SCARA5: variants seen among roughly 807,000 people sequenced by gnomAD.
The protein encoded by SCARA5 is scavenger receptor class A, member 5 (putative).
SCARA5 carries 45 observed loss-of-function variants against 46.3 expected under a neutral mutation model. The ratio of observed to expected loss-of-function variants is 0.97; its 90% CI spans 0.76 to 1.24. The LOEUF (loss-of-function observed/expected upper bound fraction) is 1.24. Among genes scored for constraint, SCARA5 ranks in the 50% most tolerant of loss-of-function variants. SCARA5 has a pLI of 0.00. For missense variants in SCARA5, 680 were observed against 689.0 expected (o/e 0.99, Z 0.15); for synonymous variants, 333 against 306.5 (o/e 1.09, Z -0.90).
intron 4 of SCARA5, among the ~76,000 whole-genome samples, chr8:27,916,472 T>C (rs1807463381): frequency 6.6e-6 from 1 of 152,088 alleles, no homozygotes; most frequent in African/African-American, 2.4e-5. Flanking sequence ...TGCGTATATG[T>C]GTGTGTGTGT....
intron 3 of SCARA5, among the ~76,000 whole-genome samples, chr8:27,948,904 T>C (rs1220012013): frequency 2.0e-5 from 3 of 152,254 alleles, no homozygotes; most frequent in Non-Finnish European, 2.9e-5. Context: ...TGGCCGTTTG[T>C]GTATATCGAT....
chr8:27,955,160 C>T (rs547232084), intron 3 of SCARA5, among the ~76,000 whole-genome samples: 58 of 152,248 alleles, frequency 3.8e-4, no homozygotes, highest in Non-Finnish European at 6.8e-4. Flanking sequence ...AGATGGGGAT[C>T]CCTGTGACCA....
At chr8:27,916,417 G>GT (rs1563524094) in intron 4 of SCARA5, among the ~76,000 whole-genome samples, 3 of 33,034 alleles carry the variant, frequency 9.1e-5, no homozygotes, top group Non-Finnish European at 3.2e-4. Context: ...ATGTGCAAAC[G>GT]TGTACACATG....
chr8:27,929,984 A>G (rs1401060276), intron 3 of SCARA5, among the ~76,000 whole-genome samples: 3 of 152,152 alleles, frequency 2.0e-5, no homozygotes, highest in East Asian at 3.8e-4. Context: ...CTTTCTTTCT[A>G]GGAAGCAATG....
In SCARA5 at chr8:27,871,606, A is replaced by G; in HGVS notation, c.*328T>C. The G allele has an allele frequency of 2.5e-6, 3 of 1,179,426 alleles. No homozygotes were observed. Among genetic ancestry groups the G allele is most frequent in the Non-Finnish European group, 3.2e-6 (3 of 947,270 alleles). 73.1% of individuals were successfully genotyped at this position (1,179,426 alleles called of 1,614,324 possible). On this transcript the variant is annotated 3_prime_UTR_variant, in exon 9 of 9. Coordinates refer to ENST00000354914, the MANE Select transcript of SCARA5 (RefSeq NM_173833.6). Reference sequence around the variant, plus strand: ...ACATTCTCAGCATTCACCTGTAACTAAAAGGCCAAAGGGAACTGGGATATT... The same window carrying G: ...ACATTCTCAGCATTCACCTGTAACTGAAAGGCCAAAGGGAACTGGGATATT...
chr8:27,904,912 G>A, intron 6 of SCARA5, 78 bp from the exon 7 acceptor site: 4 of 1,267,084 alleles, frequency 3.2e-6, no homozygotes, highest in Non-Finnish European at 3.4e-6. Flanking sequence ...GCAGGAGATT[G>A]ATGAACTCGA....
chr8:27,941,939 G>C (rs993234159), intron 3 of SCARA5, among the ~76,000 whole-genome samples: 2 of 151,804 alleles, frequency 1.3e-5, no homozygotes, highest in African/African-American at 4.8e-5. Flanking sequence ...TGATTCTCCT[G>C]CCTCAGCCTC....
At chr8:27,907,441 T>C (rs570167540) in intron 5 of SCARA5, among the ~76,000 whole-genome samples, 195 bp from the exon 6 acceptor site, 4 of 152,150 alleles carry the variant, frequency 2.6e-5, no homozygotes, top group African/African-American at 9.7e-5. Flanking sequence ...CATGCACACC[T>C]TGTATCCATC....
chr8:27,946,232 T>C (rs770796600), intron 3 of SCARA5, among the ~76,000 whole-genome samples: 8 of 152,292 alleles, frequency 5.3e-5, no homozygotes, highest in Admixed American at 1.3e-4. Flanking sequence ...AAGTCTGCCA[T>C]GTAACAATGT....
At chr8:27,970,771 G>C (rs1339006662) in intron 2 of SCARA5, among the ~76,000 whole-genome samples, 1 of 152,128 alleles carries the variant, frequency 6.6e-6, no homozygotes, top group Non-Finnish European at 1.5e-5. Context: ...ACAACCTCTT[G>C]AGAAAGCCTG....
Position 27,982,896 on chromosome 8 carries a change from G to A in SCARA5, c.112+4608C>T, listed in dbSNP as rs758662718. 9.8e-5 allele frequency among the ~76,000 whole-genome samples: 15 copies of A among 152,290 alleles called. No individual in the cohort carries two copies. The Middle Eastern group carries it at 0.014, about 138-fold the overall frequency. On this transcript the variant is annotated intron_variant, in intron 2 of 8. Transcript: ENST00000354914. Reference sequence around the variant, plus strand: ...AAAGGCAGGGAGGGTGAAGAGAAATGAGGGGCGAGAAGGAAAGAGAAAAAA... The same window carrying A: ...AAAGGCAGGGAGGGTGAAGAGAAATAAGGGGCGAGAAGGAAAGAGAAAAAA...
intron 5 of SCARA5, among the ~76,000 whole-genome samples, chr8:27,907,599 A>G (rs1207076773): frequency 7.2e-5 from 8 of 110,888 alleles, no homozygotes; most frequent in African/African-American, 1.4e-4. Context: ...TTTTGAGACA[A>G]AGTCTCGCTC....
chr8:27,943,337 G>A lies in SCARA5; in HGVS notation c.242-21092C>T, dbSNP rs548070369. ...GTGAGCCTGTAGTCCTAGCTATTCC[G>A]GAGGCTGAGGTGGGAGGATCACCTG... On this transcript the variant is annotated intron_variant, in intron 3 of 8. Transcript: ENST00000354914. Among the ~76,000 whole-genome samples, 11 of 152,220 alleles carry A rather than the reference G, an allele frequency of 7.2e-5. No homozygotes were observed. The South Asian group carries it at 8.3e-4, about 11-fold the overall frequency.
At chr8:27,898,574 TAA>T (rs1807100342) in intron 7 of SCARA5, among the ~76,000 whole-genome samples, 1 of 152,368 alleles carries the variant, frequency 6.6e-6, no homozygotes, top group Non-Finnish European at 1.5e-5. Context: ...TCTTAAGCGA[TAA>T]GAGTGACAGG....
In SCARA5 at chr8:27,879,611, G is replaced by A. The variant is rs763502328; in HGVS notation, c.1309C>T (p.Arg437Cys). 2 of 1,611,220 alleles carry A rather than the reference G, an allele frequency of 1.2e-6. No homozygotes were observed. Among genetic ancestry groups the A allele is most frequent in the South Asian group, 2.2e-5 (2 of 91,078 alleles). The change falls in exon 8 of 9, where the codon CGC (arginine) becomes TGC (cysteine). Residue 437 changes from arginine (R) to cysteine (C), a missense_variant. By Grantham distance (180) the Arg-to-Cys change is radical. Around this residue, in one of 3 missense-constraint regions of SCARA5, gnomAD observed 219 missense variants for 269.5 expected, o/e 0.81. Transcript: ENST00000354914. ...GTGCGGTACACCTCCTCCACACCGC[G>A]GAAGCCGAGCATGCGGCACACCACG... Reference protein sequence around the residue: ...GDVVCRMLGFRGVEEVYRTAR... With the variant: ...GDVVCRMLGFCGVEEVYRTAR...
intron 8 of SCARA5, among the ~76,000 whole-genome samples, chr8:27,874,908 A>G (rs1435519065): frequency 1.3e-5 from 2 of 152,042 alleles, no homozygotes; most frequent in South Asian, 2.1e-4. Flanking sequence ...CGCCATTTGC[A>G]TCACTCCAGC....
chr8:27,871,380 C>G lies in SCARA5; in HGVS notation c.*554G>C. The G allele has an allele frequency of 1.0e-6, 1 of 962,698 alleles. No individual in the cohort carries two copies. The highest frequency in any genetic ancestry group is 1.2e-6 in the Non-Finnish European group (1 of 808,916). The allele number at this position is 962,698 out of a possible 1,614,324, so 59.6% of individuals were successfully genotyped here. ...TTGCATTTCCCTCTTGCCCCTACAGCTGGCTTCTCCTCTATGTCACTTCCT... is the reference window on the plus strand; with the variant it reads ...TTGCATTTCCCTCTTGCCCCTACAGGTGGCTTCTCCTCTATGTCACTTCCT... On this transcript the variant is annotated 3_prime_UTR_variant, in exon 9 of 9. Coordinates refer to ENST00000354914, the MANE Select transcript of SCARA5 (RefSeq NM_173833.6).
chr8:27,904,602 T>A, intron 7 of SCARA5, 176 bp downstream of exon 7: 1 of 697,988 alleles, frequency 1.4e-6, no homozygotes, highest in Admixed American at 2.1e-5. Flanking sequence ...GCCCCTGGGG[T>A]CTATCAGCAT....
intron 4 of SCARA5, among the ~76,000 whole-genome samples, chr8:27,921,194 G>A (rs2129812311): frequency 6.6e-6 from 1 of 152,308 alleles, no homozygotes; most frequent in South Asian, 2.1e-4. Flanking sequence ...CTCCCGGCCT[G>A]AGCCAGTTGT....
Sources: gnomAD v4.1 joint callset for allele counts (sites outside exome capture counted in the v4.1 genomes callset) on GRCh38, gnomAD v4.1.1 for gene constraint, gnomAD v4.1.1 regional missense constraint, MANE v1.5 for transcripts, NCBI Gene and HGNC (gene_info 2026-07-23, HGNC 2026-07-21) for gene names.